The following UBE2E1 variants were observed in gnomAD, a reference collection of about 807,000 sequenced individuals.
UBE2E1 encodes ubiquitin conjugating enzyme E2 E1, also known as ubiquitin-conjugating enzyme E2 E1.
UBE2E1 carries 6 observed loss-of-function variants against 21.4 expected under a neutral mutation model. The ratio of observed to expected loss-of-function variants is 0.28; its 90% CI spans 0.15 to 0.55. The LOEUF (loss-of-function observed/expected upper bound fraction) is 0.55, where lower values mean the gene tolerates loss of function less well. UBE2E1 is among the 20% of genes least tolerant of loss of function. The pLI, the probability that UBE2E1 is intolerant of heterozygous loss-of-function variation, is 0.93. For synonymous variants in UBE2E1, 87 were observed against 82.7 expected (o/e 1.05, Z -0.28); for missense variants, 142 against 236.5 (o/e 0.60, Z 2.62).
intron 3 of UBE2E1, among the ~76,000 whole-genome samples, chr3:23,847,685 C>T (rs1057261537): frequency 6.6e-6 from 1 of 151,788 alleles, no homozygotes. Context: ...TTATTAGAGA[C>T]GGGGTTTCAC....
chr3:23,868,721 T>C (rs1251972768), intron 3 of UBE2E1, among the ~76,000 whole-genome samples: 1 of 142,606 alleles, frequency 7.0e-6, no homozygotes. Flanking sequence ...CACAGTGTTG[T>C]TTTTTTTTTT....
At chr3:23,827,725 CAT>C (rs1424222625) in intron 3 of UBE2E1, among the ~76,000 whole-genome samples, 3 of 152,162 alleles carry the variant, frequency 2.0e-5, no homozygotes, top group African/African-American at 4.8e-5. Context: ...TATTTTATAA[CAT>C]AGCCACTAAT....
intron 3 of UBE2E1, 31 bp downstream of exon 3, chr3:23,811,541 T>G (rs764392493): frequency 1.2e-6 from 2 of 1,605,586 alleles, no homozygotes; most frequent in East Asian, 2.2e-5. Flanking sequence ...TTTCCATTTT[T>G]AAAATTCTTC....
chr3:23,881,950 T>G (rs1442615676), intron 3 of UBE2E1, among the ~76,000 whole-genome samples: 1 of 151,830 alleles, frequency 6.6e-6, no homozygotes, highest in Non-Finnish European at 1.5e-5. Flanking sequence ...GTTCCTCCCG[T>G]CCGGAGTTGT....
At chr3:23,840,602 G>A (rs1308305735) in intron 3 of UBE2E1, among the ~76,000 whole-genome samples, 1 of 152,148 alleles carries the variant, frequency 6.6e-6, no homozygotes, top group Non-Finnish European at 1.5e-5. Flanking sequence ...AGTTACCAGG[G>A]TCTTTTTCTT....
At chr3:23,867,937 T>C (rs989486619) in intron 3 of UBE2E1, among the ~76,000 whole-genome samples, 2 of 152,204 alleles carry the variant, frequency 1.3e-5, no homozygotes, top group African/African-American at 2.4e-5. Context: ...CCAAACCCCT[T>C]GTAGTCACTG....
At chr3:23,869,920 T>C (rs979237588) in intron 3 of UBE2E1, among the ~76,000 whole-genome samples, 3 of 152,112 alleles carry the variant, frequency 2.0e-5, no homozygotes, top group Non-Finnish European at 4.4e-5. Context: ...CAAAATATTC[T>C]AAACAAAAAC....
At chr3:23,856,713 C>T (rs1700448086) in intron 3 of UBE2E1, among the ~76,000 whole-genome samples, 3 of 151,924 alleles carry the variant, frequency 2.0e-5, no homozygotes, top group African/African-American at 7.3e-5. Flanking sequence ...GACAGATTAG[C>T]AGGAAAAGAA....
intron 3 of UBE2E1, among the ~76,000 whole-genome samples, chr3:23,845,587 C>CTGTGTGTGTGTGTGTG (rs372552220): frequency 0.032 from 3,641 of 114,842 alleles, 66 homozygotes; most frequent in Middle Eastern, 0.06. Context: ...CTCTCTCTCT[C>CTGTGTGTGTGTGTGTG]TCTGTGTGTG....
intron 5 of UBE2E1, chr3:23,889,926 A>G (rs1701328060): frequency 6.4e-6 from 1 of 156,316 alleles, no homozygotes; most frequent in Non-Finnish European, 1.4e-5. Flanking sequence ...ATATGTATAT[A>G]TATACACACA....
At chr3:23,807,456 A>G (rs759288743) in intron 2 of UBE2E1, 35 bp downstream of exon 2, 11 of 1,595,164 alleles carry the variant, frequency 6.9e-6, no homozygotes, top group Middle Eastern at 1.7e-4. Context: ...CAGGCTTCCT[A>G]TTTCCGAACT....
At chr3:23,862,861 G>A (rs1182303510) in intron 3 of UBE2E1, among the ~76,000 whole-genome samples, 1 of 151,892 alleles carries the variant, frequency 6.6e-6, no homozygotes, top group East Asian at 1.9e-4. Flanking sequence ...AAGTAGCTGG[G>A]GCTACAGGCA....
chr3:23,877,379 C>T (rs909859838), intron 3 of UBE2E1, among the ~76,000 whole-genome samples: 2 of 152,180 alleles, frequency 1.3e-5, no homozygotes, highest in Non-Finnish European at 2.9e-5. Flanking sequence ...CTTCCCTTTA[C>T]TAGCTTAACC....
chr3:23,849,033 T>C (rs1350728909), intron 3 of UBE2E1, among the ~76,000 whole-genome samples: 1 of 152,248 alleles, frequency 6.6e-6, no homozygotes, highest in Non-Finnish European at 1.5e-5. Flanking sequence ...GGTGGACATT[T>C]GGTTGTTTCC....
intron 3 of UBE2E1, among the ~76,000 whole-genome samples, chr3:23,813,051 T>A (rs1349329762): frequency 6.6e-6 from 1 of 151,826 alleles, no homozygotes; most frequent in Non-Finnish European, 1.5e-5. Context: ...ACTGAGTTTA[T>A]GTGTGAAAGA....
chr3:23,820,590 G>A (rs185077171), intron 3 of UBE2E1, among the ~76,000 whole-genome samples: 2 of 152,288 alleles, frequency 1.3e-5, no homozygotes, highest in Non-Finnish European at 2.9e-5. Context: ...TAACAGAGTA[G>A]TTAAAAACTG....
chr3:23,835,678 A>C (rs866322646), intron 3 of UBE2E1, among the ~76,000 whole-genome samples: 1 of 152,172 alleles, frequency 6.6e-6, no homozygotes, highest in Non-Finnish European at 1.5e-5. Flanking sequence ...ACATATAATC[A>C]TCAATTATTC....
intron 3 of UBE2E1, among the ~76,000 whole-genome samples, chr3:23,875,365 T>C (rs939867530): frequency 1.3e-5 from 2 of 152,220 alleles, no homozygotes; most frequent in Admixed American, 1.3e-4. Flanking sequence ...GGGAAATTAC[T>C]ACCCCCTAGA....
chr3:23,888,560 A>C (rs892959561), intron 4 of UBE2E1, among the ~76,000 whole-genome samples: 1 of 152,204 alleles, frequency 6.6e-6, no homozygotes, highest in African/African-American at 2.4e-5. Context: ...ACACTCGATT[A>C]TATAATAGTA....
Sources: gnomAD v4.1 joint callset for allele counts (sites outside exome capture counted in the v4.1 genomes callset) on GRCh38, gnomAD v4.1.1 for gene constraint, MANE v1.5 for transcripts, NCBI Gene and HGNC (gene_info 2026-07-23, HGNC 2026-07-21) for gene names.